Variants in SHROOM2 observed in about 807,000 individuals in gnomAD.
The protein encoded by SHROOM2 is protein Shroom2.
Under a neutral mutation model 75.9 loss-of-function variants are expected in SHROOM2, and 33 were observed. The observed-to-expected ratio is 0.43, with a 90% CI of 0.33 to 0.58. SHROOM2 has a LOEUF of 0.58. Ranked by LOEUF, SHROOM2 falls within the 20% of genes least tolerant of loss-of-function variation. The pLI is 0.04. For synonymous variants in SHROOM2, 655 were observed against 663.6 expected (o/e 0.99, Z 0.20); for missense variants, 1,434 against 1,461.2 (o/e 0.98, Z 0.30).
chrX:9,905,573 C>T (rs778232388), intron 5 of SHROOM2, among the ~76,000 whole-genome samples: 14 of 113,292 alleles, frequency 1.2e-4, no homozygotes, highest in African/African-American at 4.2e-4. Flanking sequence ...GGTGACGGCG[C>T]GGGAGCCAGT....
chrX:9,899,181 G>A (rs1427854447), intron 5 of SHROOM2, among the ~76,000 whole-genome samples: 3 of 110,180 alleles, frequency 2.7e-5, no homozygotes, highest in Non-Finnish European at 5.7e-5. Context: ...AGAATCGCTT[G>A]AACCTGGGAA....
Position 9,894,441 on chromosome X carries a change from T to C in SHROOM2, c.533T>C (p.Val178Ala). ...TLDHFSSLGSVDSLDHPSSRL... is the reference protein window; with the variant it reads ...TLDHFSSLGSADSLDHPSSRL... ...GATCACTTCAGCTCCTTGGGGAGCGTTGACAGCCTGGACCACCCCTCCAGT... is the reference window on the plus strand; with the variant it reads ...GATCACTTCAGCTCCTTGGGGAGCGCTGACAGCCTGGACCACCCCTCCAGT... The change falls in exon 4 of 10, where the codon GTT becomes GCT. Residue 178 changes from valine to alanine, a missense_variant. Val to Ala is a moderately conservative substitution (Grantham distance 64). This residue lies in a region of SHROOM2 where 1,340 missense variants were observed against 1,338.3 expected (regional missense o/e 1.00). Transcript: ENST00000380913. The C allele has an allele frequency of 8.3e-7, 1 of 1,210,568 alleles. No individual in the cohort carries two copies. The highest frequency in any genetic ancestry group is 1.1e-6 in the Non-Finnish European group (1 of 895,207).
intron 1 of SHROOM2, among the ~76,000 whole-genome samples, chrX:9,869,747 T>G (rs1447214942): frequency 8.9e-6 from 1 of 112,734 alleles, no homozygotes; most frequent in African/African-American, 3.2e-5. Context: ...TGTGTTCACC[T>G]AGAACTCATA....
At chrX:9,851,306 G>T (rs1229780606) in intron 1 of SHROOM2, among the ~76,000 whole-genome samples, 2 of 110,993 alleles carry the variant, frequency 1.8e-5, no homozygotes, top group African/African-American at 6.5e-5. Flanking sequence ...ACCATGCCTG[G>T]CCTCTTTTTT....
chrX:9,853,844 C>T (rs2084053073), intron 1 of SHROOM2, among the ~76,000 whole-genome samples: 1 of 112,301 alleles, frequency 8.9e-6, no homozygotes, highest in Admixed American at 9.4e-5. Context: ...GAAAAGTGCT[C>T]ACATGGTAGC....
intron 1 of SHROOM2, chrX:9,818,967 G>A (rs958877721): frequency 2.4e-5 from 15 of 625,366 alleles, no homozygotes; most frequent in Non-Finnish European, 2.7e-6. Flanking sequence ...TTTCTTTGGT[G>A]GTGGTGTCTC....
intron 8 of SHROOM2, 46 bp downstream of exon 8, chrX:9,939,412 G>C (rs1242753072): frequency 1.8e-6 from 2 of 1,099,608 alleles, no homozygotes; most frequent in African/African-American, 3.8e-5. Flanking sequence ...GTCCAGGCAG[G>C]GGCAGGCATC....
intron 8 of SHROOM2, among the ~76,000 whole-genome samples, chrX:9,941,513 T>C (rs1421798191): frequency 1.8e-5 from 2 of 112,118 alleles, no homozygotes; most frequent in African/African-American, 3.2e-5. Context: ...ATGGTTTCAA[T>C]AAAAATTTGC....
At chrX:9,800,986 G>A (rs1263283135) in intron 1 of SHROOM2, among the ~76,000 whole-genome samples, 1 of 111,212 alleles carries the variant, frequency 9.0e-6, no homozygotes, top group Non-Finnish European at 1.9e-5. Flanking sequence ...ATGTAACACT[G>A]TATTAGTCTG....
At chrX:9,807,891 G>A (rs1469994991) in intron 1 of SHROOM2, among the ~76,000 whole-genome samples, 1 of 111,476 alleles carries the variant, frequency 9.0e-6, no homozygotes, top group Non-Finnish European at 1.9e-5. Flanking sequence ...AAGGTTCAAT[G>A]TCAAGGGGAG....
intron 1 of SHROOM2, among the ~76,000 whole-genome samples, chrX:9,808,450 G>T (rs1054096765): frequency 2.7e-5 from 3 of 110,017 alleles, no homozygotes; most frequent in African/African-American, 9.9e-5. Context: ...GGGAGCCTGA[G>T]GCTGGAGGAT....
At chrX:9,851,602 G>A (rs1418264938) in intron 1 of SHROOM2, among the ~76,000 whole-genome samples, 1 of 106,382 alleles carries the variant, frequency 9.4e-6, no homozygotes, top group Non-Finnish European at 1.9e-5. Flanking sequence ...GACCACAGGT[G>A]TGCGCCACCA....
chrX:9,794,525 A>G (rs770302365), intron 1 of SHROOM2, among the ~76,000 whole-genome samples: 105 of 110,541 alleles, frequency 9.5e-4, no homozygotes, highest in Non-Finnish European at 1.7e-3. Flanking sequence ...GCCTGCCACT[A>G]CGCCTGGTTA....
chrX:9,901,994 T>C (rs59722843), intron 5 of SHROOM2, among the ~76,000 whole-genome samples: 4,118 of 34,905 alleles, frequency 0.12, 273 homozygotes, highest in African/African-American at 0.33. Flanking sequence ...AGTTGGAGGG[T>C]GGGGAGGGTG....
intron 1 of SHROOM2, among the ~76,000 whole-genome samples, chrX:9,847,478 C>T (rs192924092): frequency 6.3e-5 from 7 of 111,722 alleles, no homozygotes; most frequent in Admixed American, 1.9e-4. Context: ...TTATCAGCTC[C>T]GACGAATGTA....
At position 9,786,451 on chromosome X, in the gene SHROOM2, C is replaced by A; in HGVS notation, c.-95C>A. The A allele has an allele frequency of 1.4e-6, 1 of 696,462 alleles. No homozygotes were observed. Among genetic ancestry groups the A allele is most frequent in the Non-Finnish European group, 1.8e-6 (1 of 564,411 alleles). 57.4% of individuals were successfully genotyped at this position (696,462 alleles called of 1,213,427 possible). On this transcript the variant is annotated 5_prime_UTR_variant, in exon 1 of 10. Coordinates refer to ENST00000380913, the MANE Select transcript of SHROOM2 (RefSeq NM_001649.4). Reference sequence around the variant, plus strand: ...GGCACTTTCTTTCCAAGTTACGGCGCAAGTTCTGCGGCGCTCGGAGCCTCC... The same window carrying A: ...GGCACTTTCTTTCCAAGTTACGGCGAAAGTTCTGCGGCGCTCGGAGCCTCC...
chrX:9,818,985 G>A (rs1409753734), intron 1 of SHROOM2: 15 of 738,140 alleles, frequency 2.0e-5, no homozygotes, highest in Non-Finnish European at 3.2e-5. Context: ...CTCACTGCTG[G>A]ATACGGAGCC....
At chrX:9,892,850 G>T (rs2084301879) in intron 3 of SHROOM2, among the ~76,000 whole-genome samples, 1 of 112,266 alleles carries the variant, frequency 8.9e-6, no homozygotes, top group African/African-American at 3.2e-5. Flanking sequence ...TCCTGTTGAA[G>T]GGTGAACATC....
chrX:9,895,176 C>T lies in SHROOM2; in HGVS notation c.1268C>T (p.Pro423Leu). Reference sequence around the variant, plus strand: ...TCAGATGTGCGCTTCCCTCAGTCTCCTCATAGCGGCCGACACCCTCCCCTA... The same window carrying T: ...TCAGATGTGCGCTTCCCTCAGTCTCTTCATAGCGGCCGACACCCTCCCCTA... ...SSSDVRFPQS[P>L]HSGRHPPLYS... The change falls in exon 4 of 10, where the codon CCT (proline) becomes CTT (leucine). Residue 423 changes from proline (P) to leucine (L), a missense_variant. Coordinates refer to ENST00000380913, the MANE Select transcript of SHROOM2 (RefSeq NM_001649.4). 1 of 1,211,861 alleles carries T rather than the reference C, an allele frequency of 8.3e-7. No homozygotes were observed.
Sources: allele counts gnomAD v4.1 joint callset (sites outside exome capture counted in the v4.1 genomes callset), GRCh38; gene constraint gnomAD v4.1.1; regional missense constraint gnomAD v4.1.1; transcripts MANE v1.5; gene names NCBI Gene and HGNC (gene_info 2026-07-23, HGNC 2026-07-21).